SERPINI1: variants seen among roughly 807,000 people sequenced by gnomAD.
SERPINI1 encodes serpin family I member 1, also known as neuroserpin.
Under a neutral mutation model 41.1 loss-of-function variants are expected in SERPINI1, and 19 were observed. The observed-to-expected ratio is 0.46, with a 90% CI of 0.32 to 0.68. The LOEUF is 0.68. SERPINI1 is among the 30% of genes least tolerant of loss of function. The pLI is 0.03. For missense variants in SERPINI1, 460 were observed against 479.2 expected, an observed-to-expected ratio of 0.96 and a Z score of 0.37; for synonymous variants, 138 against 156.6, an observed-to-expected ratio of 0.88 and a Z score of 0.89.
chr3:167,769,821 CTT>C (rs1726683720), intron 1 of SERPINI1, among the ~76,000 whole-genome samples: 1 of 151,792 alleles, frequency 6.6e-6, no homozygotes, highest in Admixed American at 6.6e-5. Context: ...TTTGTAATAT[CTT>C]TTTTATGATG....
chr3:167,767,145 G>T (rs568234775), intron 1 of SERPINI1, among the ~76,000 whole-genome samples: 7 of 152,330 alleles, frequency 4.6e-5, no homozygotes, highest in Non-Finnish European at 8.8e-5. Context: ...GCTAAATGCA[G>T]CTGGTGATTT....
chr3:167,764,861 G>A (rs968417228), intron 1 of SERPINI1, among the ~76,000 whole-genome samples: 1 of 152,162 alleles, frequency 6.6e-6, no homozygotes, highest in Non-Finnish European at 1.5e-5. Flanking sequence ...GGGGCTAAAG[G>A]AACCATGCAA....
intron 5 of SERPINI1, among the ~76,000 whole-genome samples, chr3:167,802,545 A>T (rs1727935363): frequency 6.6e-6 from 1 of 151,890 alleles, no homozygotes. Context: ...ATCACTGGCC[A>T]TCAGAGAAAT....
intron 4 of SERPINI1, among the ~76,000 whole-genome samples, chr3:167,793,474 A>G (rs1727594955): frequency 6.6e-6 from 1 of 151,666 alleles, no homozygotes; most frequent in Non-Finnish European, 1.5e-5. Flanking sequence ...GCTGTGGCTC[A>G]TGCCTGTAAT....
chr3:167,780,005 T>C (rs565835928), intron 1 of SERPINI1, among the ~76,000 whole-genome samples: 2 of 152,290 alleles, frequency 1.3e-5, no homozygotes, highest in Admixed American at 6.5e-5. Context: ...TTCTGGCCCA[T>C]TGGCTTTAAG....
At chr3:167,801,070 G>A (rs756902763) in intron 5 of SERPINI1, among the ~76,000 whole-genome samples, 15 of 152,140 alleles carry the variant, frequency 9.9e-5, no homozygotes, top group Non-Finnish European at 1.8e-4. Flanking sequence ...CACCTGCCTC[G>A]GCCTCCCAAA....
chr3:167,786,434 G>A (rs1318069969), intron 1 of SERPINI1, among the ~76,000 whole-genome samples: 1 of 151,486 alleles, frequency 6.6e-6, no homozygotes, highest in African/African-American at 2.4e-5. Flanking sequence ...CGTGAACCCG[G>A]GAGGCGGAGG....
At chr3:167,784,373 A>C (rs1308320807) in intron 1 of SERPINI1, among the ~76,000 whole-genome samples, 1 of 152,156 alleles carries the variant, frequency 6.6e-6, no homozygotes, top group Non-Finnish European at 1.5e-5. Flanking sequence ...TGTCCTTATA[A>C]ATTTTGATAA....
chr3:167,823,161 G>A, intron 7 of SERPINI1, 89 bp downstream of exon 7: 4 of 902,756 alleles, frequency 4.4e-6, no homozygotes, highest in Admixed American at 3.5e-5. Flanking sequence ...TCAAAATGAA[G>A]CCAAAAAAGT....
At chr3:167,810,403 A>T (rs1169917926) in intron 6 of SERPINI1, among the ~76,000 whole-genome samples, 3 of 152,206 alleles carry the variant, frequency 2.0e-5, no homozygotes, top group African/African-American at 7.2e-5. Context: ...ATACCACTGC[A>T]CTAAAGTGAA....
chr3:167,810,484 C>T (rs1046960409), intron 6 of SERPINI1, among the ~76,000 whole-genome samples: 2 of 152,056 alleles, frequency 1.3e-5, no homozygotes, highest in African/African-American at 4.8e-5. Flanking sequence ...TACACTATAC[C>T]ATAGTCTATT....
At position 167,825,409 on chromosome 3, in the gene SERPINI1, T is replaced by C; in HGVS notation, c.*86T>C. On this transcript the variant is annotated 3_prime_UTR_variant, in exon 9 of 9. Coordinates refer to ENST00000446050, the MANE Select transcript of SERPINI1 (RefSeq NM_001122752.2). ...TATATTTAGGATTTGTGTTTTACAG[T>C]ATATCTTAAGATAATATTTAAAATA... 1.2e-6 allele frequency: 1 copy of C among 847,676 alleles called. No individual in the cohort carries two copies. Among genetic ancestry groups the C allele is most frequent in the African/African-American group, 1.7e-5 (1 of 60,032 alleles). The allele number at this position is 847,676 out of a possible 1,614,324, so 52.5% of individuals were successfully genotyped here. A position where few individuals can be genotyped will look rare whatever the true frequency, so the allele number is the denominator to read the frequency against.
At chr3:167,825,068 A>AGGAAAG (rs1434678287) in intron 8 of SERPINI1, among the ~76,000 whole-genome samples, 179 bp from the exon 9 acceptor site, 11 of 151,858 alleles carry the variant, frequency 7.2e-5, no homozygotes, top group African/African-American at 2.2e-4. Flanking sequence ...AAGAAAGGAA[A>AGGAAAG]GGAAAGGGAA....
chr3:167,775,215 G>A (rs917535222), intron 1 of SERPINI1, among the ~76,000 whole-genome samples: 1 of 145,778 alleles, frequency 6.9e-6, no homozygotes, highest in Non-Finnish European at 1.5e-5. Flanking sequence ...AGGGTACAAC[G>A]AAGTGTCACT....
intron 1 of SERPINI1, among the ~76,000 whole-genome samples, chr3:167,779,286 T>A (rs1727048150): frequency 1.3e-5 from 2 of 152,154 alleles, no homozygotes; most frequent in African/African-American, 4.8e-5. Context: ...AACGAACACA[T>A]ATCAAAGTTT....
At chr3:167,790,289 G>A in intron 2 of SERPINI1, 83 bp from the exon 3 acceptor site, 1 of 1,025,348 alleles carries the variant, frequency 9.8e-7, no homozygotes, top group Non-Finnish European at 1.5e-6. Flanking sequence ...AATCTCCCTT[G>A]CTGTGCTTTA....
At chr3:167,739,701 A>T (rs1725607993) in intron 1 of SERPINI1, among the ~76,000 whole-genome samples, 1 of 152,138 alleles carries the variant, frequency 6.6e-6, no homozygotes, top group Non-Finnish European at 1.5e-5. Flanking sequence ...ATAAAAACTG[A>T]ATTTGCTCTT....
intron 6 of SERPINI1, among the ~76,000 whole-genome samples, chr3:167,814,231 G>C (rs1470975837): frequency 2.0e-5 from 3 of 152,058 alleles, no homozygotes; most frequent in Admixed American, 6.6e-5. Context: ...CATTAGGAAG[G>C]AACTATTTAG....
At chr3:167,816,395 A>C (rs1712091011) in intron 6 of SERPINI1, among the ~76,000 whole-genome samples, 1 of 152,242 alleles carries the variant, frequency 6.6e-6, no homozygotes, top group Non-Finnish European at 1.5e-5. Context: ...AGTTGTGGTC[A>C]TAGTGCACAT....
Sources: allele counts gnomAD v4.1 joint callset (sites outside exome capture counted in the v4.1 genomes callset), GRCh38; gene constraint gnomAD v4.1.1; transcripts MANE v1.5; gene names NCBI Gene and HGNC (gene_info 2026-07-23, HGNC 2026-07-21).